GRIP1: variants seen among roughly 807,000 people sequenced by gnomAD.
The protein encoded by GRIP1 is glutamate receptor interacting protein 1, also known as glutamate receptor-interacting protein 1.
GRIP1 carries 45 observed loss-of-function variants against 129.9 expected under a neutral mutation model. That is an observed-to-expected ratio of 0.35 (90% CI 0.27 to 0.44). GRIP1 has a LOEUF of 0.44. Among genes scored for constraint, GRIP1 ranks in the 20% least tolerant of loss-of-function variants. The pLI is 1.00. For synonymous variants in GRIP1, 530 were observed against 520.8 expected (o/e 1.02, Z -0.24); for missense variants, 1,196 against 1,396.8 (o/e 0.86, Z 2.29).
intron 23 of GRIP1, among the ~76,000 whole-genome samples, chr12:66,366,753 A>G (rs937417911): frequency 1.3e-5 from 2 of 152,210 alleles, no homozygotes; most frequent in Non-Finnish European, 2.9e-5. Context: ...GCTCAATCAC[A>G]GTTCACTGAA....
chr12:66,630,419 C>G (rs991119475), intron 1 of GRIP1: 1 of 151,960 alleles, frequency 6.6e-6, no homozygotes, highest in African/African-American at 2.4e-5. Flanking sequence ...ACTTTTTCCT[C>G]TGGTCTCTTC....
chr12:66,463,054 G>C lies in GRIP1; in HGVS notation c.912C>G (p.Ile304Met). 6.2e-7 allele frequency: 1 copy of C among 1,613,664 alleles called. No homozygotes were observed. Among genetic ancestry groups the C allele is most frequent in the Non-Finnish European group, 8.5e-7 (1 of 1,179,612 alleles). Residue 304 changes from isoleucine to methionine, a missense_variant, in exon 9 of 25, where the codon ATC (isoleucine) becomes ATG (methionine). Coordinates refer to ENST00000359742, the MANE Select transcript of GRIP1 (RefSeq NM_001366722.1). ...TACAGTACTCCATGCTGGTTCCATC[G>C]ATGGAGAGGATGTGATCTCCCACAT... ...ALHVGDHILS[I>M]DGTSMEYCTL...
intron 1 of GRIP1, among the ~76,000 whole-genome samples, chr12:66,938,514 T>C (rs928312715): frequency 2.0e-5 from 3 of 152,352 alleles, no homozygotes; most frequent in Admixed American, 2.0e-4. Flanking sequence ...GCCAGAATTA[T>C]ATTTCTGTTG....
In GRIP1 at chr12:66,736,753, A is replaced by G. The variant is rs543387215; in HGVS notation, c.-420+67300T>C. Among the ~76,000 whole-genome samples, 5 of 152,256 alleles carry G rather than the reference A, an allele frequency of 3.3e-5. No homozygotes were observed. In the South Asian group the frequency reaches 8.3e-4, roughly 25 times the overall value. On this transcript the variant is annotated intron_variant, in intron 1 of 4. Coordinates refer to the GRIP1 transcript ENST00000538373. Reference sequence around the variant, plus strand: ...CTAAAAGTCCCTGAAAAAAAGTTATATGAAAAATTTAAAAAGATATTTGGA... The same window carrying G: ...CTAAAAGTCCCTGAAAAAAAGTTATGTGAAAAATTTAAAAAGATATTTGGA...
chr12:66,933,057 T>C (rs12829385), intron 1 of GRIP1, among the ~76,000 whole-genome samples: 16 of 152,360 alleles, frequency 1.1e-4, no homozygotes, highest in Middle Eastern at 3.4e-3. Context: ...CAATCTTTCA[T>C]ATGTGTAATA....
intron 2 of GRIP1, among the ~76,000 whole-genome samples, chr12:66,570,013 A>C (rs2062904129): frequency 6.6e-6 from 1 of 152,192 alleles, no homozygotes; most frequent in African/African-American, 2.4e-5. Flanking sequence ...TAATAATATT[A>C]TGATTATCAC....
chr12:66,528,295 C>T (rs1005400854), intron 5 of GRIP1, among the ~76,000 whole-genome samples: 5 of 151,854 alleles, frequency 3.3e-5, no homozygotes, highest in South Asian at 2.1e-4. Flanking sequence ...CCACCACGCC[C>T]GGCTAATGTT....
chr12:66,954,385 T>G (rs982027394), intron 1 of GRIP1, among the ~76,000 whole-genome samples: 1 of 152,200 alleles, frequency 6.6e-6, no homozygotes, highest in East Asian at 1.9e-4. Context: ...TCCTTTTGTG[T>G]GTGCAATTTC....
chr12:66,632,384 A>G (rs1237292854), intron 1 of GRIP1, among the ~76,000 whole-genome samples: 20 of 152,192 alleles, frequency 1.3e-4, no homozygotes, highest in Non-Finnish European at 2.9e-5. Context: ...ACCCCTCTCT[A>G]TCTTTACATC....
chr12:66,843,804 GAAATGGATATAA>G (rs2039764543), intron 1 of GRIP1, among the ~76,000 whole-genome samples: 1 of 137,096 alleles, frequency 7.3e-6, no homozygotes, highest in Non-Finnish European at 1.7e-5. Flanking sequence ...AAATTAACTT[GAAATGGATATAA>G]TATTTAAACA....
intron 2 of GRIP1, among the ~76,000 whole-genome samples, chr12:66,569,808 G>A (rs528396534): frequency 6.6e-6 from 1 of 152,256 alleles, no homozygotes; most frequent in Non-Finnish European, 1.5e-5. Flanking sequence ...CATTTGGCAA[G>A]TTTTGATACT....
At chr12:66,443,428 ATTTT>A (rs1284151142) in intron 13 of GRIP1, among the ~76,000 whole-genome samples, 1 of 147,428 alleles carries the variant, frequency 6.8e-6, no homozygotes, top group Admixed American at 6.7e-5. Context: ...CTACCGCAAT[ATTTT>A]TTTTTTCTTT....
intron 1 of GRIP1, among the ~76,000 whole-genome samples, chr12:66,829,853 T>C (rs1454961358): frequency 3.3e-5 from 5 of 152,144 alleles, no homozygotes; most frequent in African/African-American, 1.2e-4. Context: ...TAAGACTTCC[T>C]GAGGCAGCCA....
At chr12:66,587,984 G>A (rs1387798892) in intron 2 of GRIP1, among the ~76,000 whole-genome samples, 1 of 151,828 alleles carries the variant, frequency 6.6e-6, no homozygotes, top group Non-Finnish European at 1.5e-5. Flanking sequence ...AAAAGAATTT[G>A]TGTATCACTT....
At chr12:66,855,261 A>T (rs2039984308) in intron 1 of GRIP1, among the ~76,000 whole-genome samples, 1 of 152,026 alleles carries the variant, frequency 6.6e-6, no homozygotes, top group Non-Finnish European at 1.5e-5. Context: ...TCAAAATCAA[A>T]CTACCCTCTA....
At chr12:67,017,899 A>G (rs919087292) in intron 1 of GRIP1, among the ~76,000 whole-genome samples, 15 of 152,188 alleles carry the variant, frequency 9.9e-5, no homozygotes, top group African/African-American at 3.6e-4. Context: ...CGGATACCAC[A>G]TAGAATCACA....
chr12:67,041,372 G>A (rs576066613), intron 1 of GRIP1, among the ~76,000 whole-genome samples: 24 of 152,138 alleles, frequency 1.6e-4, no homozygotes, highest in South Asian at 4.1e-4. Flanking sequence ...ATTTATGTGC[G>A]TGTGTATATA....
chr12:66,736,346 ATTTTTTTTTTT>A lies in GRIP1; in HGVS notation c.-420+67696_-420+67706del, dbSNP rs547706592. 9.7e-4 allele frequency among the ~76,000 whole-genome samples: 65 copies of A among 67,010 alleles called. 1 individual carries two copies. Among genetic ancestry groups the A allele is most frequent in the African/African-American group, 3.8e-3 (59 of 15,396 alleles). The allele number at this position is 67,010 out of a possible 152,430, so 44.0% of individuals were successfully genotyped here. A position where few individuals can be genotyped will look rare whatever the true frequency, so the allele number is the denominator to read the frequency against. On this transcript the variant is annotated intron_variant, in intron 1 of 4. Transcript: ENST00000538373. Reference sequence around the variant, plus strand: ...AGGTGTGCACCACCGTGCCTGGCTAATTTTTTTTTTTTTTTTTTTTTTTTTTTTTTTTTTTT... The same window carrying A: ...AGGTGTGCACCACCGTGCCTGGCTAATTTTTTTTTTTTTTTTTTTTTTTTT...
At chr12:66,708,801 A>G (rs1565980034) in intron 1 of GRIP1, among the ~76,000 whole-genome samples, 2 of 151,876 alleles carry the variant, frequency 1.3e-5, no homozygotes, top group African/African-American at 4.8e-5. Context: ...AAAATCCACA[A>G]ACTGAAGTTT....
Sources: allele counts gnomAD v4.1 joint callset (sites outside exome capture counted in the v4.1 genomes callset), GRCh38; gene constraint gnomAD v4.1.1; transcripts MANE v1.5; gene names NCBI Gene and HGNC (gene_info 2026-07-23, HGNC 2026-07-21).